The following RMDN2 variants were observed in gnomAD, a reference collection of about 807,000 sequenced individuals.
RMDN2 encodes regulator of microtubule dynamics 2.
Under a neutral mutation model 52.8 loss-of-function variants are expected in RMDN2, and 61 were observed. The ratio of observed to expected loss-of-function variants is 1.16; its 90% confidence interval spans 0.94 to 1.43. The LOEUF is 1.43. Among genes scored for constraint, RMDN2 ranks in the 40% most tolerant of loss-of-function variants. The pLI is 0.00. For synonymous variants in RMDN2, 180 were observed against 153.1 expected, an observed-to-expected ratio of 1.18 and a Z score of -1.30; for missense variants, 592 against 475.3, an observed-to-expected ratio of 1.25 and a Z score of -2.28.
intron 2 of RMDN2, among the ~76,000 whole-genome samples, chr2:37,935,322 A>G (rs1317766498): frequency 6.6e-6 from 1 of 152,226 alleles, no homozygotes. Flanking sequence ...TTTCACTTTC[A>G]TGAGCCAAAA....
chr2:38,041,184 T>C (rs1042971073), intron 10 of RMDN2, among the ~76,000 whole-genome samples: 1 of 152,188 alleles, frequency 6.6e-6, no homozygotes, highest in African/African-American at 2.4e-5. Context: ...CAGGCCTTGC[T>C]ATAAGAATTA....
At chr2:38,066,614 T>C (rs1417285937) in intron 10 of RMDN2, among the ~76,000 whole-genome samples, 2 of 152,168 alleles carry the variant, frequency 1.3e-5, no homozygotes, top group African/African-American at 4.8e-5. Flanking sequence ...ACAACCTCTG[T>C]GAGTTTCTAA....
At chr2:38,015,810 T>G (rs956195717) in intron 10 of RMDN2, among the ~76,000 whole-genome samples, 2 of 152,174 alleles carry the variant, frequency 1.3e-5, no homozygotes, top group African/African-American at 4.8e-5. Flanking sequence ...TTCGTAAGGG[T>G]GAACTCTGTT....
intron 2 of RMDN2, among the ~76,000 whole-genome samples, chr2:37,937,636 G>A (rs544101312): frequency 1.3e-5 from 2 of 152,150 alleles, no homozygotes; most frequent in East Asian, 3.9e-4. Context: ...TGTATTCCTA[G>A]GTATTTTATT....
At chr2:38,032,996 G>A (rs2125276984) in intron 10 of RMDN2, 1 of 152,272 alleles carries the variant, frequency 6.6e-6, no homozygotes, top group Admixed American at 6.5e-5. Flanking sequence ...CCAAACTGCT[G>A]TACCATTTTA....
chr2:37,970,681 GA>G (rs1437521072), intron 2 of RMDN2, among the ~76,000 whole-genome samples: 1 of 152,148 alleles, frequency 6.6e-6, no homozygotes, highest in Non-Finnish European at 1.5e-5. Context: ...ATTAGAGCAA[GA>G]GATAGAGAGC....
intron 2 of RMDN2, among the ~76,000 whole-genome samples, chr2:37,933,977 C>T (rs1402580725): frequency 6.6e-6 from 1 of 152,080 alleles, no homozygotes. Flanking sequence ...GAAGACTGGC[C>T]ATGGGGAGGA....
At chr2:37,978,290 G>C (rs971577152) in intron 4 of RMDN2, among the ~76,000 whole-genome samples, 3 of 139,346 alleles carry the variant, frequency 2.2e-5, no homozygotes, top group Middle Eastern at 3.6e-3. Flanking sequence ...GCCTGGGCTC[G>C]GCATCAGAGG....
chr2:37,937,041 A>C (rs1166600570), intron 2 of RMDN2, among the ~76,000 whole-genome samples: 1 of 152,068 alleles, frequency 6.6e-6, no homozygotes, highest in Non-Finnish European at 1.5e-5. Flanking sequence ...TTAACGCTTA[A>C]GTCTTTAATC....
chr2:38,013,237 G>A (rs894449283), intron 10 of RMDN2, among the ~76,000 whole-genome samples: 2 of 152,218 alleles, frequency 1.3e-5, no homozygotes, highest in Non-Finnish European at 1.5e-5. Flanking sequence ...CCTGGAGGCA[G>A]TATTAAAGTT....
chr2:37,950,773 A>G lies in RMDN2; in HGVS notation c.452+21044A>G, dbSNP rs1167852458. ...CTTCATCCATGGTTAATATTTTAAAATACAATTAGTCAACAGAATATAAGT... is the reference window on the plus strand; with the variant it reads ...CTTCATCCATGGTTAATATTTTAAAGTACAATTAGTCAACAGAATATAAGT... On this transcript the variant is annotated intron_variant, in intron 2 of 10. Coordinates refer to ENST00000354545, the MANE Select transcript of RMDN2 (RefSeq NM_001170791.3). Among the ~76,000 whole-genome samples the G allele has an allele frequency of 3.9e-5, 6 of 152,212 alleles. No individual in the cohort carries two copies. In the South Asian group the frequency reaches 8.3e-4, roughly 21 times the overall value.
At chr2:37,975,466 C>G (rs1672348534) in intron 4 of RMDN2, 152 bp downstream of exon 4, 2 of 517,574 alleles carry the variant, frequency 3.9e-6, no homozygotes, top group Admixed American at 3.2e-5. Flanking sequence ...AACAGAAAAC[C>G]AAACACTGCA....
chr2:37,989,633 TTTCATATTTC>T lies in RMDN2; in HGVS notation c.867+20_867+29del. The T allele has an allele frequency of 1.3e-6, 2 of 1,540,532 alleles. No homozygotes were observed. The highest frequency in any genetic ancestry group is 1.8e-6 in the Non-Finnish European group (2 of 1,124,494). ...CTCTTCAAGGTATTTCTTTTTTTTT[TTTCATATTTC>T]TTTTCAGATCCAGACATATGGAAGG... On this transcript the variant is annotated intron_variant, in intron 6 of 10. Coordinates refer to ENST00000354545, the MANE Select transcript of RMDN2 (RefSeq NM_001170791.3).
chr2:37,926,300 TAAATA>T (rs1379467103), intron 1 of RMDN2, among the ~76,000 whole-genome samples: 1 of 152,208 alleles, frequency 6.6e-6, no homozygotes, highest in African/African-American at 2.4e-5. Flanking sequence ...AAATTAATTT[TAAATA>T]AAACTAGAAC....
chr2:37,977,360 C>T (rs1476891687), intron 4 of RMDN2, among the ~76,000 whole-genome samples: 1 of 152,190 alleles, frequency 6.6e-6, no homozygotes, highest in Non-Finnish European at 1.5e-5. Context: ...TTGGGTACAC[C>T]TCCCAGACGG....
At chr2:37,955,590 T>TG (rs1382287045) in intron 2 of RMDN2, among the ~76,000 whole-genome samples, 1 of 152,094 alleles carries the variant, frequency 6.6e-6, no homozygotes, top group Non-Finnish European at 1.5e-5. Flanking sequence ...AATTGAATCA[T>TG]GGGGGCCGAT....
intron 2 of RMDN2, among the ~76,000 whole-genome samples, chr2:37,959,526 A>G (rs753236141): frequency 1.0e-4 from 15 of 150,484 alleles, no homozygotes; most frequent in East Asian, 1.9e-4. Flanking sequence ...TATTGTGTCT[A>G]TTTGATTCTT....
intron 10 of RMDN2, among the ~76,000 whole-genome samples, chr2:38,015,292 C>T (rs1289720236): frequency 6.6e-6 from 1 of 152,182 alleles, no homozygotes; most frequent in African/African-American, 2.4e-5. Context: ...CTCGACTGGG[C>T]GTGGTGGCTC....
rs79765954 is a variant in RMDN2 at position 38,012,242 on chromosome 2, T to C, written c.1180-4944T>C. Among the ~76,000 whole-genome samples the C allele has an allele frequency of 0.04, 6,120 of 152,316 alleles. 898 individuals are homozygous for C. In the East Asian group the frequency reaches 0.47, roughly 12 times the overall value. On this transcript the variant is annotated intron_variant, in intron 10 of 10. Coordinates refer to ENST00000354545, the MANE Select transcript of RMDN2 (RefSeq NM_001170791.3). ...TCCAGGCCTTACCATGGATGCTGTTTCGTCAGGAAAGACTTCCTTGACGCC... is the reference window on the plus strand; with the variant it reads ...TCCAGGCCTTACCATGGATGCTGTTCCGTCAGGAAAGACTTCCTTGACGCC...
Sources: allele counts gnomAD v4.1 joint callset (sites outside exome capture counted in the v4.1 genomes callset), GRCh38; gene constraint gnomAD v4.1.1; transcripts MANE v1.5; gene names NCBI Gene and HGNC (gene_info 2026-07-23, HGNC 2026-07-21).